Variants in SGCD observed in about 807,000 individuals in gnomAD.
SGCD encodes sarcoglycan delta, also known as delta-sarcoglycan.
SGCD carries 18 observed loss-of-function variants against 36.6 expected under a neutral mutation model. That is an observed-to-expected ratio of 0.49 (90% CI 0.34 to 0.73). The LOEUF (loss-of-function observed/expected upper bound fraction) is 0.73, where lower values mean the gene tolerates loss of function less well. Among genes scored for constraint, SGCD ranks in the 30% least tolerant of loss-of-function variants. The pLI is 0.01. For synonymous variants in SGCD, 133 were observed against 130.6 expected, an observed-to-expected ratio of 1.02 and a Z score of -0.12; for missense variants, 387 against 346.7, an observed-to-expected ratio of 1.12 and a Z score of -0.92.
chr5:156,328,528 C>A (rs1454473484), intron 1 of SGCD, among the ~76,000 whole-genome samples: 2 of 152,152 alleles, frequency 1.3e-5, no homozygotes, highest in Admixed American at 1.3e-4. Context: ...GAAGTTAATG[C>A]TGAAAGAAAA....
At chr5:155,778,752 A>T in the SGCD span, among the ~76,000 whole-genome samples, 1 of 152,284 alleles carries the variant, frequency 6.6e-6, no homozygotes, top group African/African-American at 2.4e-5. Flanking sequence ...CTACTTAATT[A>T]TTACTTTTTT....
At chr5:156,085,248 C>T (rs1194838993) in intron 1 of SGCD, among the ~76,000 whole-genome samples, 2 of 152,000 alleles carry the variant, frequency 1.3e-5, no homozygotes, top group African/African-American at 2.4e-5. Context: ...CAATATGTGT[C>T]CCCTCTAAAT....
intron 7 of SGCD, among the ~76,000 whole-genome samples, chr5:156,648,413 C>G (rs1439444304): frequency 6.6e-6 from 1 of 152,122 alleles, no homozygotes; most frequent in Non-Finnish European, 1.5e-5. Flanking sequence ...CTGATGCAAT[C>G]TGAAGATCTA....
chr5:155,802,500 G>A, the SGCD span, among the ~76,000 whole-genome samples: 9 of 152,146 alleles, frequency 5.9e-5, no homozygotes, highest in Non-Finnish European at 1.2e-4. Flanking sequence ...TATCTTTATA[G>A]CTGGCAAAAT....
At chr5:156,138,942 G>A (rs1357223652) in intron 3 of SGCD, among the ~76,000 whole-genome samples, 1 of 152,142 alleles carries the variant, frequency 6.6e-6, no homozygotes, top group Non-Finnish European at 1.5e-5. Flanking sequence ...ATAATGTTAA[G>A]TACTTTCAGT....
intron 1 of SGCD, among the ~76,000 whole-genome samples, chr5:156,055,471 T>C (rs1249734358): frequency 1.4e-5 from 2 of 146,262 alleles, no homozygotes; most frequent in East Asian, 3.9e-4. Flanking sequence ...ATCTAGAAAT[T>C]ATGTTAAAGG....
intron 3 of SGCD, among the ~76,000 whole-genome samples, chr5:156,271,841 G>T (rs754318454): frequency 8.5e-5 from 13 of 152,106 alleles, no homozygotes; most frequent in Non-Finnish European, 1.8e-4. Flanking sequence ...GCAGTGGATA[G>T]CTCATTCCCA....
the SGCD span, among the ~76,000 whole-genome samples, chr5:155,811,555 G>A: frequency 0.14 from 20,914 of 152,086 alleles, 1,518 homozygotes; most frequent in South Asian, 0.25. Flanking sequence ...CTCAGAACAC[G>A]AAAAACCAAA....
chr5:155,895,970 C>T (rs997079544), intron 1 of SGCD, among the ~76,000 whole-genome samples: 1 of 152,234 alleles, frequency 6.6e-6, no homozygotes, highest in African/African-American at 2.4e-5. Flanking sequence ...TGGCCTTTGC[C>T]GTAAGCACAT....
At chr5:156,375,544 A>G (rs1770615454) in intron 3 of SGCD, among the ~76,000 whole-genome samples, 1 of 152,102 alleles carries the variant, frequency 6.6e-6, no homozygotes, top group South Asian at 2.1e-4. Context: ...TCTCCAGACT[A>G]TAGCTGTGCT....
chr5:156,328,317 A>G (rs1336694074), intron 1 of SGCD, among the ~76,000 whole-genome samples: 2 of 152,266 alleles, frequency 1.3e-5, no homozygotes, highest in African/African-American at 4.8e-5. Flanking sequence ...TTACTAGCAC[A>G]GCAATCTGTG....
At chr5:155,867,218 C>T (rs997208368), upstream of SGCD, among the ~76,000 whole-genome samples, 6 of 151,882 alleles carry the variant, frequency 4.0e-5, no homozygotes, top group Non-Finnish European at 8.8e-5. Flanking sequence ...GAACAGGGCC[C>T]GAGAAAATCT....
intron 7 of SGCD, among the ~76,000 whole-genome samples, chr5:156,703,878 GT>G (rs1754631096): frequency 6.6e-6 from 1 of 151,980 alleles, no homozygotes. Flanking sequence ...GTGGCTCAGT[GT>G]GTAATGTTGT....
At chr5:156,413,049 G>A (rs1013810094) in intron 3 of SGCD, among the ~76,000 whole-genome samples, 14 of 151,328 alleles carry the variant, frequency 9.3e-5, no homozygotes, top group African/African-American at 2.4e-4. Flanking sequence ...CACCTGCCTC[G>A]GCCTCCCAAA....
chr5:156,500,399 T>C (rs1756393865), intron 3 of SGCD, among the ~76,000 whole-genome samples: 1 of 152,062 alleles, frequency 6.6e-6, no homozygotes. Flanking sequence ...CTGTATATAA[T>C]TGTTTTGGAT....
intron 3 of SGCD, among the ~76,000 whole-genome samples, chr5:156,277,388 G>A (rs890062549): frequency 6.6e-6 from 1 of 152,090 alleles, no homozygotes; most frequent in Non-Finnish European, 1.5e-5. Flanking sequence ...TTGAAGTTTT[G>A]CCGATGGTTA....
At chr5:156,217,097 A>G (rs1173883282) in intron 3 of SGCD, among the ~76,000 whole-genome samples, 1 of 152,174 alleles carries the variant, frequency 6.6e-6, no homozygotes, top group Non-Finnish European at 1.5e-5. Context: ...AAATAATAAA[A>G]TAAAAAAGAA....
At chr5:156,442,682 A>C in intron 3 of SGCD, among the ~76,000 whole-genome samples, 1 of 152,220 alleles carries the variant, frequency 6.6e-6, no homozygotes, top group Non-Finnish European at 1.5e-5. Context: ...GCTGTTCATC[A>C]AGATAAAAGC....
rs561649444 is a variant in SGCD at position 156,151,963 on chromosome 5, G to A, written c.-44+27944G>A. Among the ~76,000 whole-genome samples the A allele has an allele frequency of 3.0e-4, 46 of 151,424 alleles. No homozygotes were observed. The South Asian group carries it at 6.4e-3, about 21-fold the overall frequency. ...GGAAGGGAAAAGAGAAGACAAGAGTGAGGATCATGAGCTAGAGCCAAAGAT... is the reference window on the plus strand; with the variant it reads ...GGAAGGGAAAAGAGAAGACAAGAGTAAGGATCATGAGCTAGAGCCAAAGAT... On this transcript the variant is annotated intron_variant, in intron 3 of 9. Transcript: ENST00000517913.
Sources: gnomAD v4.1 joint callset for allele counts (sites outside exome capture counted in the v4.1 genomes callset) on GRCh38, gnomAD v4.1.1 for gene constraint, MANE v1.5 for transcripts, NCBI Gene and HGNC (gene_info 2026-07-23, HGNC 2026-07-21) for gene names.